Variants in DDHD1 observed in about 807,000 individuals in gnomAD.
DDHD1 encodes the protein phospholipase DDHD1.
In DDHD1, 49 loss-of-function variants were observed where a neutral mutation model predicts 96.4. The observed-to-expected ratio is 0.51, with a 90% CI of 0.40 to 0.64. The LOEUF is 0.64. DDHD1 is among the 30% of genes least tolerant of loss of function. The probability of loss-of-function intolerance (pLI) is 0.00; values close to 1 mark genes in which losing one functional copy is unlikely to be tolerated. For synonymous variants in DDHD1, 442 were observed against 446.5 expected (o/e 0.99, Z 0.13); for missense variants, 1,106 against 1,161.2 (o/e 0.95, Z 0.69).
rs1452933034 is a variant in DDHD1 at position 53,038,143 on chromosome 14, G to T, written c.*8625C>A. The stretch of plus-strand genomic sequence containing the variant: ...CTTCTGAGAACTGGAATAAGAAGAG[G>T]ATGCCCAGTCTCATCGCTCCCATTC... On this transcript the variant is annotated 3_prime_UTR_variant, in exon 13 of 13. Transcript: ENST00000673822. 6.6e-6 allele frequency: 1 copy of T among 152,038 alleles called. No individual in the cohort carries two copies. The highest frequency in any genetic ancestry group is 1.9e-4 in the East Asian group (1 of 5,198). 9.4% of individuals were successfully genotyped at this position (152,038 alleles called of 1,614,324 possible).
At chr14:53,091,011 A>T (rs1408892598) in intron 4 of DDHD1, among the ~76,000 whole-genome samples, 1 of 152,206 alleles carries the variant, frequency 6.6e-6, no homozygotes, top group African/African-American at 2.4e-5. Context: ...CTGGTATCAC[A>T]CACTGTTTGC....
intron 1 of DDHD1, among the ~76,000 whole-genome samples, chr14:53,116,237 G>A (rs1430998547): frequency 6.6e-6 from 1 of 152,142 alleles, no homozygotes; most frequent in Non-Finnish European, 1.5e-5. Flanking sequence ...AATTCTTAGA[G>A]ACCTAGAAAG....
chr14:53,055,944 C>T, intron 9 of DDHD1, 32 bp from the exon 10 acceptor site: 1 of 1,576,958 alleles, frequency 6.3e-7, no homozygotes, highest in African/African-American at 1.4e-5. Flanking sequence ...CAAAGAAACA[C>T]AGTGTTAAAT....
At chr14:53,148,470 G>A (rs989061937) in intron 1 of DDHD1, among the ~76,000 whole-genome samples, 1 of 152,040 alleles carries the variant, frequency 6.6e-6, no homozygotes, top group South Asian at 2.1e-4. Context: ...TCGCCACCAC[G>A]CCTGGCTAAT....
At chr14:53,129,002 T>C (rs1346790782) in intron 1 of DDHD1, among the ~76,000 whole-genome samples, 4 of 152,186 alleles carry the variant, frequency 2.6e-5, no homozygotes, top group African/African-American at 9.7e-5. Flanking sequence ...ATGTACTTTG[T>C]GAGATCCACC....
intron 12 of DDHD1, among the ~76,000 whole-genome samples, chr14:53,051,332 C>A (rs372941876): frequency 2.0e-5 from 3 of 151,854 alleles, no homozygotes; most frequent in Non-Finnish European, 4.4e-5. Context: ...ATATCTCTTA[C>A]ATCCAAGAAT....
Position 53,058,773 on chromosome 14 carries a change from T to G in DDHD1, c.1843-147A>C, listed in dbSNP as rs937760607. 4.7e-6 allele frequency: 3 copies of G among 642,988 alleles called. No homozygotes were observed. The African/African-American group carries it at 5.6e-5, about 12-fold the overall frequency. 39.8% of individuals were successfully genotyped at this position (642,988 alleles called of 1,614,324 possible). A position where few individuals can be genotyped will look rare whatever the true frequency, so the allele number is the denominator to read the frequency against. On this transcript the variant is annotated intron_variant, in intron 8 of 12. Transcript: ENST00000673822. ...TTTAATAAGAGTTATCCAGATGGGCTCTGCCAACCATTAACCATTCTAGAA... is the reference window on the plus strand; with the variant it reads ...TTTAATAAGAGTTATCCAGATGGGCGCTGCCAACCATTAACCATTCTAGAA...
chr14:53,143,234 G>T (rs1431272815), intron 1 of DDHD1, among the ~76,000 whole-genome samples: 1 of 152,170 alleles, frequency 6.6e-6, no homozygotes, highest in African/African-American at 2.4e-5. Flanking sequence ...ACTAAACAAT[G>T]TTGCCTCCCT....
chr14:53,147,767 T>C (rs779800153), intron 1 of DDHD1, among the ~76,000 whole-genome samples: 1 of 152,134 alleles, frequency 6.6e-6, no homozygotes, highest in Non-Finnish European at 1.5e-5. Flanking sequence ...ATAACACAGT[T>C]ATAAAGAGTA....
chr14:53,122,743 A>AT (rs1016038685), intron 1 of DDHD1, among the ~76,000 whole-genome samples: 3 of 150,600 alleles, frequency 2.0e-5, no homozygotes, highest in African/African-American at 7.3e-5. Context: ...TTTAATTTTT[A>AT]TTTTTAGCAG....
At chr14:53,149,951 A>T (rs1891234212) in intron 1 of DDHD1, 1 of 152,234 alleles carries the variant, frequency 6.6e-6, no homozygotes, top group Non-Finnish European at 1.5e-5. Context: ...CTCGCAGGAT[A>T]AAGGCCAAAC....
chr14:53,061,167 T>C lies in DDHD1; in HGVS notation c.1801A>G (p.Lys601Glu). Reference sequence around the variant, plus strand: ...GGTGTTTGTGTCATAGATGATGCTTTCAATCCGTGAAGCCGTTCTTCTATT... The same window carrying C: ...GGTGTTTGTGTCATAGATGATGCTTCCAATCCGTGAAGCCGTTCTTCTATT... The part of the protein sequence containing the change: ...KEIEERLHGL[K>E]ASSMTQTPAL... The change falls in exon 8 of 13, where the codon AAA (lysine) becomes GAA (glutamate). Residue 601 changes from lysine (K) to glutamate (E), a missense_variant. By Grantham distance (56) the Lys-to-Glu change is moderately conservative. This residue lies in a region of DDHD1 where 650 missense variants were observed against 758.8 expected (regional missense o/e 0.86). Coordinates refer to ENST00000673822, the MANE Select transcript of DDHD1 (RefSeq NM_001160148.2). 1 of 1,612,026 alleles carries C rather than the reference T, an allele frequency of 6.2e-7. No homozygotes were observed. Among genetic ancestry groups the C allele is most frequent in the Non-Finnish European group, 8.5e-7 (1 of 1,179,430 alleles).
At chr14:53,060,097 C>G (rs540664884) in intron 8 of DDHD1, among the ~76,000 whole-genome samples, 1 of 152,180 alleles carries the variant, frequency 6.6e-6, no homozygotes, top group Non-Finnish European at 1.5e-5. Flanking sequence ...CATCATTCCA[C>G]ATCTTAACCT....
chr14:53,067,418 A>G (rs2139890654), intron 6 of DDHD1, among the ~76,000 whole-genome samples: 1 of 150,810 alleles, frequency 6.6e-6, no homozygotes, highest in South Asian at 2.1e-4. Flanking sequence ...TCGGCCTCCC[A>G]AAGTGCTGGG....
chr14:53,105,617 T>G (rs1887632177), intron 1 of DDHD1, among the ~76,000 whole-genome samples: 1 of 152,314 alleles, frequency 6.6e-6, no homozygotes, highest in African/African-American at 2.4e-5. Flanking sequence ...GATTTCTTAT[T>G]TTTTCCATTT....
intron 1 of DDHD1, among the ~76,000 whole-genome samples, chr14:53,133,654 G>A (rs1374768485): frequency 2.0e-5 from 3 of 152,074 alleles, no homozygotes; most frequent in African/African-American, 7.2e-5. Context: ...ACAGGGTACA[G>A]CCCATTTGAG....
chr14:53,100,766 C>A (rs924090314), intron 2 of DDHD1, among the ~76,000 whole-genome samples: 1 of 152,092 alleles, frequency 6.6e-6, no homozygotes, highest in Non-Finnish European at 1.5e-5. Context: ...AATAAACATC[C>A]CTGAATATAG....
At chr14:53,104,560 C>T (rs1004287089) in intron 1 of DDHD1, among the ~76,000 whole-genome samples, 2 of 151,952 alleles carry the variant, frequency 1.3e-5, no homozygotes, top group African/African-American at 4.8e-5. Flanking sequence ...AGACTAGAGG[C>T]TTCTAGTACA....
chr14:53,062,611 A>G (rs942859324), intron 7 of DDHD1, among the ~76,000 whole-genome samples: 17 of 152,188 alleles, frequency 1.1e-4, no homozygotes, highest in African/African-American at 4.1e-4. Context: ...TAAAACTACA[A>G]AGGATTATAA....
Sources: gnomAD v4.1 joint callset for allele counts (sites outside exome capture counted in the v4.1 genomes callset) on GRCh38, gnomAD v4.1.1 for gene constraint, gnomAD v4.1.1 regional missense constraint, MANE v1.5 for transcripts, NCBI Gene and HGNC (gene_info 2026-07-23, HGNC 2026-07-21) for gene names.